CFAP61: variants seen among roughly 807,000 people sequenced by gnomAD.
CFAP61 encodes cilia and flagella associated protein 61.
Under a neutral mutation model 135.6 loss-of-function variants are expected in CFAP61, and 107 were observed. That is an observed-to-expected ratio of 0.79 (90% CI 0.67 to 0.93). CFAP61 has a LOEUF of 0.93. Ranked by LOEUF, CFAP61 falls within the 40% of genes least tolerant of loss-of-function variation. The pLI, the probability that CFAP61 is intolerant of heterozygous loss-of-function variation, is 0.00. For synonymous variants in CFAP61, 575 were observed against 578.5 expected (o/e 0.99, Z 0.09); for missense variants, 1,507 against 1,556.2 (o/e 0.97, Z 0.53).
intron 8 of CFAP61, among the ~76,000 whole-genome samples, chr20:20,116,048 C>T (rs1378954208): frequency 1.3e-5 from 2 of 152,152 alleles, no homozygotes; most frequent in Non-Finnish European, 2.9e-5. Context: ...TACTAATTTA[C>T]ATTCCTACAA....
intron 16 of CFAP61, 70 bp downstream of exon 16, chr20:20,196,846 A>G (rs1378322143): frequency 1.5e-5 from 19 of 1,256,686 alleles, no homozygotes; most frequent in South Asian, 1.5e-4. Context: ...TGTACGCCGC[A>G]TTCTATTCAT....
chr20:20,322,791 T>C, intron 25 of CFAP61: 5 of 985,432 alleles, frequency 5.1e-6, no homozygotes, highest in Non-Finnish European at 6.0e-6. Context: ...GAATGCTGTT[T>C]GCTATCATGT....
rs141392277 is a variant in CFAP61 at position 20,093,409 on chromosome 20, T to C, written c.699+2433T>C. On this transcript the variant is annotated intron_variant, in intron 7 of 26. Transcript: ENST00000245957. Reference sequence around the variant, plus strand: ...ATGGGTGTACAATTTTGTGAATATATTAAAAACCATTGAATTGTGTATTTC... The same window carrying C: ...ATGGGTGTACAATTTTGTGAATATACTAAAAACCATTGAATTGTGTATTTC... 9.2e-3 allele frequency among the ~76,000 whole-genome samples: 1,386 copies of C among 150,904 alleles called. 25 individuals are homozygous for C. Among genetic ancestry groups the C allele is most frequent in the African/African-American group, 0.032 (1,301 of 41,038 alleles).
At chr20:20,200,267 A>G (rs993300501) in intron 17 of CFAP61, among the ~76,000 whole-genome samples, 6 of 152,242 alleles carry the variant, frequency 3.9e-5, no homozygotes, top group African/African-American at 1.4e-4. Context: ...CAATGCATTA[A>G]GTGGTCATTC....
At chr20:20,161,156 A>C (rs528778148) in intron 10 of CFAP61, among the ~76,000 whole-genome samples, 82 of 152,250 alleles carry the variant, frequency 5.4e-4, no homozygotes, top group African/African-American at 1.9e-3. Context: ...CCTGTGCCCT[A>C]GGGAGGAAAG....
At chr20:20,231,597 C>T (rs1291376695) in intron 18 of CFAP61, among the ~76,000 whole-genome samples, 2 of 152,100 alleles carry the variant, frequency 1.3e-5, no homozygotes, top group Non-Finnish European at 2.9e-5. Context: ...TAATTGGTTC[C>T]CTCCCCCCTT....
intron 8 of CFAP61, among the ~76,000 whole-genome samples, chr20:20,118,328 CTCTG>C (rs1217417755): frequency 7.5e-5 from 10 of 133,888 alleles, no homozygotes; most frequent in South Asian, 2.4e-4. Context: ...CTGTCTCTCT[CTCTG>C]TCTTTCTTCT....
At chr20:20,350,682 T>C (rs1488160208) in intron 26 of CFAP61, among the ~76,000 whole-genome samples, 2 of 152,180 alleles carry the variant, frequency 1.3e-5, no homozygotes, top group Non-Finnish European at 2.9e-5. Context: ...TTCTAATGAT[T>C]GCTTGTACAA....
chr20:20,287,785 T>C (rs2054699922), intron 22 of CFAP61, among the ~76,000 whole-genome samples: 1 of 152,228 alleles, frequency 6.6e-6, no homozygotes, highest in South Asian at 2.1e-4. Flanking sequence ...CGTGTTTCAA[T>C]TGGTCCAACA....
chr20:20,056,312 C>T (rs1408561205), intron 1 of CFAP61, among the ~76,000 whole-genome samples: 1 of 152,222 alleles, frequency 6.6e-6, no homozygotes, highest in Non-Finnish European at 1.5e-5. Context: ...TAAGAGGACC[C>T]TGAATCCGTA....
At chr20:20,099,238 C>T (rs183541934) in intron 8 of CFAP61, among the ~76,000 whole-genome samples, 12 of 152,088 alleles carry the variant, frequency 7.9e-5, no homozygotes, top group Admixed American at 7.9e-4. Flanking sequence ...ACTTTCAGTG[C>T]TTCTGTTTTT....
intron 24 of CFAP61, among the ~76,000 whole-genome samples, chr20:20,296,190 CACCTCCTTCCCTTCTCT>C: frequency 1.5e-5 from 1 of 68,204 alleles, no homozygotes; most frequent in Non-Finnish European, 2.9e-5. Context: ...TTCCTTCCTT[CACCTCCTTCCCTTCTCT>C]CCTCCCTTCA....
chr20:20,235,688 C>T lies in CFAP61; in HGVS notation c.2060+7312C>T, dbSNP rs958562513. On this transcript the variant is annotated intron_variant, in intron 18 of 26. Coordinates refer to ENST00000245957, the MANE Select transcript of CFAP61 (RefSeq NM_015585.4). ...TAGGGCCATAATTCTTTTATCTTGGCGCACATAAAATGATGCACAAGAGGA... is the reference window on the plus strand; with the variant it reads ...TAGGGCCATAATTCTTTTATCTTGGTGCACATAAAATGATGCACAAGAGGA... Among the ~76,000 whole-genome samples the T allele has an allele frequency of 2.1e-4, 32 of 152,238 alleles. No homozygotes were observed. In the South Asian group the frequency reaches 3.5e-3, roughly 17 times the overall value.
intron 17 of CFAP61, among the ~76,000 whole-genome samples, chr20:20,201,736 C>G (rs2056632225): frequency 6.6e-6 from 1 of 152,194 alleles, no homozygotes; most frequent in Non-Finnish European, 1.5e-5. Context: ...ATGGATGTGC[C>G]AGGCGTACAA....
Position 20,227,369 on chromosome 20 carries a change from T to C in CFAP61, c.1933-880T>C, listed in dbSNP as rs552842469. 1.4e-3 allele frequency among the ~76,000 whole-genome samples: 209 copies of C among 152,358 alleles called. 1 individual carries two copies. Among genetic ancestry groups the C allele is most frequent in the African/African-American group, 4.9e-3 (203 of 41,590 alleles). ...CCATTGTTTCCAATGAGAAGTCAGC[T>C]GTAATCTTTGTCACTGTCCAGACAC... is the stretch of plus-strand genomic sequence containing the variant. On this transcript the variant is annotated intron_variant, in intron 17 of 26. Transcript: ENST00000245957.
chr20:20,280,584 A>G (rs748331893), intron 22 of CFAP61, among the ~76,000 whole-genome samples: 10 of 152,220 alleles, frequency 6.6e-5, no homozygotes, highest in Non-Finnish European at 1.3e-4. Flanking sequence ...GAGATTCCAT[A>G]TAGTTCCATG....
chr20:20,209,649 G>A (rs1451087412), intron 17 of CFAP61, among the ~76,000 whole-genome samples: 1 of 152,184 alleles, frequency 6.6e-6, no homozygotes, highest in Admixed American at 6.5e-5. Flanking sequence ...CCTGATGGGA[G>A]TAAAAGTAAC....
intron 26 of CFAP61, among the ~76,000 whole-genome samples, chr20:20,350,213 G>A (rs1439034950): frequency 6.6e-6 from 1 of 152,200 alleles, no homozygotes; most frequent in Non-Finnish European, 1.5e-5. Context: ...GGGAAAATGG[G>A]AACTGAATTG....
chr20:20,356,124 G>A lies in CFAP61; in HGVS notation c.3514-4086G>A, dbSNP rs1371039972. Among the ~76,000 whole-genome samples the A allele has an allele frequency of 4.2e-4, 53 of 125,642 alleles. 1 individual carries two copies. The highest frequency in any genetic ancestry group is 1.4e-3 in the African/African-American group (48 of 33,976). The allele number at this position is 125,642 out of a possible 152,430, so 82.4% of individuals were successfully genotyped here. On this transcript the variant is annotated intron_variant, in intron 26 of 26. Coordinates refer to ENST00000245957, the MANE Select transcript of CFAP61 (RefSeq NM_015585.4). ...AGGGGAGGTGGTCACACTGAGGGGA[G>A]GTAGTCACACTGAGAGGAGGTGGTC...
Sources: allele counts gnomAD v4.1 joint callset (sites outside exome capture counted in the v4.1 genomes callset), GRCh38; gene constraint gnomAD v4.1.1; transcripts MANE v1.5; gene names NCBI Gene and HGNC (gene_info 2026-07-23, HGNC 2026-07-21).